The following KCNQ5 variants were observed in gnomAD, a reference collection of about 807,000 sequenced individuals.
The protein encoded by KCNQ5 is potassium voltage-gated channel subfamily KQT member 5.
Under a neutral mutation model 98.2 loss-of-function variants are expected in KCNQ5, and 30 were observed. The observed-to-expected ratio is 0.31, with a 90% CI of 0.23 to 0.41. KCNQ5 has a LOEUF of 0.41. KCNQ5 is among the 10% of genes least tolerant of loss of function. The pLI is 1.00. For missense variants in KCNQ5, 835 were observed against 1,182.5 expected, an observed-to-expected ratio of 0.71 and a Z score of 4.31; for synonymous variants, 458 against 449.4, an observed-to-expected ratio of 1.02 and a Z score of -0.24.
intron 1 of KCNQ5, among the ~76,000 whole-genome samples, chr6:72,830,108 T>C (rs1240280123): frequency 6.6e-6 from 1 of 151,948 alleles, no homozygotes; most frequent in Non-Finnish European, 1.5e-5. Flanking sequence ...GGAAGAACAT[T>C]CCATGCTCAT....
chr6:73,157,813 A>G (rs577558328), intron 10 of KCNQ5: 524 of 779,494 alleles, frequency 6.7e-4, no homozygotes, highest in Non-Finnish European at 1.1e-3. Context: ...GCTCTTGGCC[A>G]TCTTGGTGTT....
intron 1 of KCNQ5, among the ~76,000 whole-genome samples, chr6:72,952,037 G>A (rs1203770403): frequency 6.6e-6 from 1 of 152,218 alleles, no homozygotes; most frequent in African/African-American, 2.4e-5. Context: ...TTACTTAAGA[G>A]CAATTGTGCA....
intron 1 of KCNQ5, among the ~76,000 whole-genome samples, chr6:72,824,046 T>C (rs1246410502): frequency 1.3e-5 from 2 of 152,174 alleles, no homozygotes; most frequent in African/African-American, 4.8e-5. Context: ...TTTTATATGT[T>C]TTCTCCTATA....
At chr6:72,748,759 G>A (rs1771530461) in intron 1 of KCNQ5, among the ~76,000 whole-genome samples, 1 of 152,116 alleles carries the variant, frequency 6.6e-6, no homozygotes, top group Non-Finnish European at 1.5e-5. Context: ...ACCTGCCCCT[G>A]TTGGTGCTGT....
chr6:73,056,801 T>C (rs1772521747), intron 3 of KCNQ5, among the ~76,000 whole-genome samples: 1 of 152,036 alleles, frequency 6.6e-6, no homozygotes, highest in Non-Finnish European at 1.5e-5. Context: ...CCAGTTAGAA[T>C]GGTGATCATT....
intron 2 of KCNQ5, among the ~76,000 whole-genome samples, chr6:73,037,477 A>G (rs1370546928): frequency 6.6e-6 from 1 of 152,034 alleles, no homozygotes. Flanking sequence ...TTTTTTCCTA[A>G]AAGTTTTATT....
At chr6:72,876,431 A>G (rs536946384) in intron 1 of KCNQ5, among the ~76,000 whole-genome samples, 4 of 152,318 alleles carry the variant, frequency 2.6e-5, no homozygotes, top group Non-Finnish European at 4.4e-5. Context: ...ACTCATAAAA[A>G]CAATAAAATC....
intron 1 of KCNQ5, among the ~76,000 whole-genome samples, chr6:72,635,323 C>T (rs2098923414): frequency 1.3e-5 from 2 of 152,146 alleles, no homozygotes; most frequent in South Asian, 4.1e-4. Flanking sequence ...AGCTGCTGTG[C>T]TTGGCCCTGA....
chr6:73,134,071 G>A (rs571895866), intron 10 of KCNQ5: 5 of 456,384 alleles, frequency 1.1e-5, no homozygotes, highest in Middle Eastern at 3.3e-4. Context: ...GGTCAACAAT[G>A]AAGGTGCTCT....
intron 1 of KCNQ5, among the ~76,000 whole-genome samples, chr6:72,700,992 A>G (rs1322379282): frequency 2.6e-5 from 4 of 152,244 alleles, no homozygotes; most frequent in African/African-American, 9.6e-5. Flanking sequence ...ACATGCGACT[A>G]CATTGCTGTT....
intron 1 of KCNQ5, among the ~76,000 whole-genome samples, chr6:72,957,432 A>T (rs1267045495): frequency 6.6e-6 from 1 of 152,042 alleles, no homozygotes; most frequent in East Asian, 1.9e-4. Context: ...TGGCCTCCCA[A>T]AGTGCTGGTA....
intron 3 of KCNQ5, among the ~76,000 whole-genome samples, chr6:73,064,607 G>T (rs7748770): frequency 0.98 from 148,419 of 152,192 alleles, 72,465 homozygotes; most frequent in Middle Eastern, 1. Flanking sequence ...TCATTTGGTA[G>T]GTGTGAAAAT....
intron 1 of KCNQ5, among the ~76,000 whole-genome samples, chr6:72,693,557 A>T (rs922828709): frequency 6.6e-6 from 1 of 152,118 alleles, no homozygotes; most frequent in Non-Finnish European, 1.5e-5. Context: ...AAAGGGTAAG[A>T]TTGCAGGAAA....
At chr6:73,011,594 G>C (rs528530399) in intron 2 of KCNQ5, among the ~76,000 whole-genome samples, 35 of 151,914 alleles carry the variant, frequency 2.3e-4, no homozygotes, top group Non-Finnish European at 4.3e-4. Context: ...AAAGGTGTAG[G>C]CAACAAAAGA....
chr6:73,192,234 A>G (rs1357058649), intron 12 of KCNQ5, among the ~76,000 whole-genome samples: 1 of 152,238 alleles, frequency 6.6e-6, no homozygotes, highest in African/African-American at 2.4e-5. Context: ...TAAGATCTCT[A>G]TAGTTATGAT....
At chr6:72,628,202 C>T (rs73753402) in intron 1 of KCNQ5, among the ~76,000 whole-genome samples, 8 of 152,014 alleles carry the variant, frequency 5.3e-5, no homozygotes, top group South Asian at 2.1e-4. Context: ...CAGGGTGAGC[C>T]GAAGCTGAAA....
At chr6:73,175,209 G>C (rs1166540467) in intron 11 of KCNQ5, among the ~76,000 whole-genome samples, 1 of 151,832 alleles carries the variant, frequency 6.6e-6, no homozygotes, top group Non-Finnish European at 1.5e-5. Flanking sequence ...GGAGTGCAAC[G>C]GCGCGATCTT....
intron 5 of KCNQ5, among the ~76,000 whole-genome samples, chr6:73,091,143 T>TA (rs1386507286): frequency 2.0e-5 from 3 of 152,050 alleles, no homozygotes; most frequent in South Asian, 2.1e-4. Context: ...TATACAGCCA[T>TA]AAAAAAGGAT....
At chr6:73,021,624 T>C (rs534419703) in intron 2 of KCNQ5, among the ~76,000 whole-genome samples, 2 of 152,328 alleles carry the variant, frequency 1.3e-5, no homozygotes, top group South Asian at 4.1e-4. Context: ...AGATGCAAGA[T>C]AAAACTGTCA....
Sources: gnomAD v4.1 joint callset for allele counts (sites outside exome capture counted in the v4.1 genomes callset) on GRCh38, gnomAD v4.1.1 for gene constraint, MANE v1.5 for transcripts, NCBI Gene and HGNC (gene_info 2026-07-23, HGNC 2026-07-21) for gene names.